Variants in MKLN1 observed in about 807,000 individuals in gnomAD.
MKLN1 encodes the protein muskelin.
In MKLN1, 18 loss-of-function variants were observed where a neutral mutation model predicts 99.0. The ratio of observed to expected loss-of-function variants is 0.18; its 90% CI spans 0.13 to 0.27. The LOEUF (loss-of-function observed/expected upper bound fraction) is 0.27. MKLN1 is among the 10% of genes least tolerant of loss of function. MKLN1 has a pLI of 1.00. For missense variants in MKLN1, 621 were observed against 875.9 expected (o/e 0.71, Z 3.67); for synonymous variants, 288 against 293.2 (o/e 0.98, Z 0.18).
At chr7:131,246,688 A>G (rs971803199) in intron 3 of MKLN1, among the ~76,000 whole-genome samples, 72 of 149,728 alleles carry the variant, frequency 4.8e-4, no homozygotes, top group African/African-American at 1.7e-3. Flanking sequence ...GGGTTTTGCC[A>G]TGTTGCCCAG....
At chr7:131,358,571 C>CTATTCTTT (rs1340480043) in intron 1 of MKLN1, among the ~76,000 whole-genome samples, 2 of 152,048 alleles carry the variant, frequency 1.3e-5, no homozygotes, top group Non-Finnish European at 2.9e-5. Context: ...GTTTCCTCTG[C>CTATTCTTT]TATTCTTTTC....
At chr7:131,319,784 A>G (rs1798739554) in intron 3 of MKLN1, among the ~76,000 whole-genome samples, 1 of 152,150 alleles carries the variant, frequency 6.6e-6, no homozygotes, top group Admixed American at 6.5e-5. Flanking sequence ...CTGTACACCA[A>G]TCATAGAGAA....
rs932447603 is a variant in MKLN1 at position 131,489,180 on chromosome 7, G to A, written c.*1452G>A. ...CACTTTCAAAAAGTACCATGTATAGGAATGAAACATTGAGGTCCCACTTTA... is the reference window on the plus strand; with the variant it reads ...CACTTTCAAAAAGTACCATGTATAGAAATGAAACATTGAGGTCCCACTTTA... On this transcript the variant is annotated 3_prime_UTR_variant, in exon 18 of 18. Transcript: ENST00000352689. The A allele has an allele frequency of 2.8e-4, 43 of 152,180 alleles. No homozygotes were observed. The highest frequency in any genetic ancestry group is 9.4e-4 in the African/African-American group (39 of 41,550). 9.4% of individuals were successfully genotyped at this position (152,180 alleles called of 1,614,324 possible). A position where few individuals can be genotyped will look rare whatever the true frequency, so the allele number is the denominator to read the frequency against.
chr7:131,393,654 T>C (rs1469479356), intron 4 of MKLN1, among the ~76,000 whole-genome samples: 1 of 152,134 alleles, frequency 6.6e-6, no homozygotes, highest in African/African-American at 2.4e-5. Flanking sequence ...AGAGACAGGG[T>C]CTTTCTCGGT....
At chr7:131,233,896 T>C (rs1797278080) in intron 3 of MKLN1, among the ~76,000 whole-genome samples, 1 of 152,138 alleles carries the variant, frequency 6.6e-6, no homozygotes, top group Non-Finnish European at 1.5e-5. Context: ...AGATCTTCCA[T>C]AAGGCATTTA....
At chr7:131,340,573 C>A (rs1459160923) in intron 1 of MKLN1, among the ~76,000 whole-genome samples, 1 of 152,058 alleles carries the variant, frequency 6.6e-6, no homozygotes, top group African/African-American at 2.4e-5. Context: ...GCCACCGTGC[C>A]CGGCTTCCTG....
At chr7:131,160,294 C>T (rs1439519928) in intron 2 of MKLN1, among the ~76,000 whole-genome samples, 1 of 152,022 alleles carries the variant, frequency 6.6e-6, no homozygotes, top group African/African-American at 2.4e-5. Context: ...GAATATACCA[C>T]ATGCTGTTTA....
upstream of MKLN1, chr7:131,324,206 A>G (rs984471573): frequency 6.6e-6 from 1 of 152,248 alleles, no homozygotes. Flanking sequence ...CGAAGCCCTC[A>G]CACTTAAAGA....
intron 2 of MKLN1, among the ~76,000 whole-genome samples, chr7:131,195,372 A>T (rs1796626590): frequency 6.6e-6 from 1 of 151,998 alleles, no homozygotes; most frequent in African/African-American, 2.4e-5. Context: ...GTAGCCAGGC[A>T]TGGTGGCACG....
At chr7:131,422,123 T>G (rs1795216413) in intron 8 of MKLN1, among the ~76,000 whole-genome samples, 1 of 152,164 alleles carries the variant, frequency 6.6e-6, no homozygotes, top group Admixed American at 6.5e-5. Context: ...AAGTATGCAT[T>G]TTAAAGTTTT....
intron 5 of MKLN1, 108 bp downstream of exon 5, chr7:131,397,484 CAGTT>C: frequency 1.6e-6 from 1 of 624,494 alleles, no homozygotes; most frequent in Middle Eastern, 3.6e-4. Flanking sequence ...ATAATAACAA[CAGTT>C]AGCTAACATT....
chr7:131,478,752 G>A, intron 17 of MKLN1, 75 bp downstream of exon 17: 1 of 1,492,434 alleles, frequency 6.7e-7, no homozygotes, highest in Non-Finnish European at 9.3e-7. Context: ...TCTTTTACGT[G>A]AAACATCAGG....
chr7:131,342,852 T>A (rs2116732773), intron 1 of MKLN1, among the ~76,000 whole-genome samples: 1 of 152,356 alleles, frequency 6.6e-6, no homozygotes, highest in East Asian at 1.9e-4. Flanking sequence ...AAAATGTATA[T>A]TTTTATTGCT....
In MKLN1 at chr7:131,487,937, A is replaced by AT; in HGVS notation, c.*209_*210insT. ...ATCCTATTCCTAAATTAGGCTAATA[A>AT]AGTGAAATTGGTATACTTTCCAGTT... On this transcript the variant is annotated 3_prime_UTR_variant, in exon 18 of 18. Transcript: ENST00000352689. This position sits in a 1 kb window ranked among gnomAD's most constrained non-coding sequence, Gnocchi z 4.7. 1 of 316,794 alleles carries AT rather than the reference A, an allele frequency of 3.2e-6. No individual in the cohort carries two copies. 19.6% of individuals were successfully genotyped at this position (316,794 alleles called of 1,614,324 possible).
intron 2 of MKLN1, among the ~76,000 whole-genome samples, chr7:131,165,243 T>TGGCGCGATCTCTGCTC (rs1796106709): frequency 6.6e-6 from 1 of 152,180 alleles, no homozygotes; most frequent in African/African-American, 2.4e-5. Flanking sequence ...TGGAGTGTAA[T>TGGCGCGATCTCTGCTC]GGCGCGATCT....
At chr7:131,472,114 AAT>A (rs1191069821) in intron 16 of MKLN1, 1 of 152,242 alleles carries the variant, frequency 6.6e-6, no homozygotes, top group Non-Finnish European at 1.5e-5. Context: ...CAAGTGGCAG[AAT>A]ATGTTTGATT....
chr7:131,372,743 A>G (rs1793503578), intron 1 of MKLN1, among the ~76,000 whole-genome samples: 2 of 136,826 alleles, frequency 1.5e-5, no homozygotes, highest in African/African-American at 5.5e-5. Context: ...TTTTTTTTAG[A>G]TAAAGTTCTA....
At chr7:131,307,750 CTTGT>C (rs954389753) in intron 3 of MKLN1, among the ~76,000 whole-genome samples, 6 of 152,196 alleles carry the variant, frequency 3.9e-5, no homozygotes, top group African/African-American at 1.4e-4. Flanking sequence ...AAGTAACTAA[CTTGT>C]TTTTTTATTT....
At chr7:131,310,202 A>C (rs750428929) in intron 3 of MKLN1, 1 of 152,270 alleles carries the variant, frequency 6.6e-6, no homozygotes, top group Non-Finnish European at 1.5e-5. Flanking sequence ...AATAGTAAGC[A>C]GTATAAAAAG....
Sources: gnomAD v4.1 joint callset for allele counts (sites outside exome capture counted in the v4.1 genomes callset) on GRCh38, gnomAD v4.1.1 for gene constraint, Gnocchi (gnomAD v3.1) non-coding constraint, MANE v1.5 for transcripts, NCBI Gene and HGNC (gene_info 2026-07-23, HGNC 2026-07-21) for gene names.